RABL2A: variants seen among roughly 807,000 people sequenced by gnomAD.
RABL2A encodes the protein RAB, member of RAS oncogene family like 2A, also known as rab-like protein 2A.
A neutral mutation model predicts 30.7 loss-of-function variants in RABL2A; 17 were observed. That is an observed-to-expected ratio of 0.55 (90% confidence interval 0.38 to 0.83). The LOEUF (loss-of-function observed/expected upper bound fraction) is 0.83. RABL2A is among the 40% of genes least tolerant of loss of function. The pLI, the probability that RABL2A is intolerant of heterozygous loss-of-function variation, is 0.00. For missense variants in RABL2A, 155 were observed against 272.6 expected, an observed-to-expected ratio of 0.57 and a Z score of 3.04; for synonymous variants, 64 against 101.8, an observed-to-expected ratio of 0.63 and a Z score of 2.24.
Position 113,641,131 on chromosome 2 carries a change from C to T in RABL2A, c.409+126C>T, listed in dbSNP as rs921317360. ...CCTCCCTCCCACGATAAGATACAAC[C>T]CTTGGTTGGTTGCTTGCATTCTTCC... On this transcript the variant is annotated intron_variant, in intron 6 of 8. Coordinates refer to ENST00000683472, the MANE Select transcript of RABL2A (RefSeq NM_001306158.2). 2.4e-5 allele frequency: 25 copies of T among 1,024,482 alleles called. No homozygotes were observed. The African/African-American group carries it at 3.4e-4, about 14-fold the overall frequency. 63.5% of individuals were successfully genotyped at this position (1,024,482 alleles called of 1,614,324 possible).
At position 113,637,692 on chromosome 2, in the gene RABL2A, G is replaced by C. The variant is rs1349729355; in HGVS notation, c.297+2562G>C. 4.0e-5 allele frequency: 51 copies of C among 1,281,886 alleles called. No individual in the cohort carries two copies. In the Admixed American group the frequency reaches 6.5e-4, roughly 16 times the overall value. The allele number at this position is 1,281,886 out of a possible 1,614,324, so 79.4% of individuals were successfully genotyped here. A position where few individuals can be genotyped will look rare whatever the true frequency, so the allele number is the denominator to read the frequency against. Reference sequence around the variant, plus strand: ...TAATGGGGCAAGGAAAATGGGGGCAGTGTAGTGCAGAAGTCTGACCCTCAA... The same window carrying C: ...TAATGGGGCAAGGAAAATGGGGGCACTGTAGTGCAGAAGTCTGACCCTCAA... On this transcript the variant is annotated intron_variant, in intron 5 of 8. Coordinates refer to ENST00000683472, the MANE Select transcript of RABL2A (RefSeq NM_001306158.2).
Position 113,632,898 on chromosome 2 carries a change from G to A in RABL2A, c.108-17G>A, listed in dbSNP as rs1275372272. On this transcript the variant is annotated splice_polypyrimidine_tract_variant and intron_variant, in intron 2 of 8. Coordinates refer to ENST00000683472, the MANE Select transcript of RABL2A (RefSeq NM_001306158.2). ...GATGGAGACGCCATCTGACCACCTT[G>A]CCTGTTCTGCTTACAGACTCATGGA... The A allele has an allele frequency of 6.2e-7, 1 of 1,614,070 alleles. No homozygotes were observed. Among genetic ancestry groups the A allele is most frequent in the Non-Finnish European group, 8.5e-7 (1 of 1,180,046 alleles).
intron 2 of RABL2A, among the ~76,000 whole-genome samples, chr2:113,631,884 C>T (rs1219635289): frequency 6.6e-6 from 1 of 151,792 alleles, no homozygotes; most frequent in South Asian, 2.1e-4. Context: ...CCTCTGGCCA[C>T]GGTAATTTCT....
chr2:113,642,146 G>A lies in RABL2A; in HGVS notation c.*17G>A. 1 of 1,613,590 alleles carries A rather than the reference G, an allele frequency of 6.2e-7. No individual in the cohort carries two copies. ...CACAGCTGAGGGGCTGGGGCTAGGG[G>A]TGGGTGGAGCCCTTTTAAAATACCC... On this transcript the variant is annotated 3_prime_UTR_variant, in exon 9 of 9. Coordinates refer to ENST00000683472, the MANE Select transcript of RABL2A (RefSeq NM_001306158.2).
intron 2 of RABL2A, among the ~76,000 whole-genome samples, chr2:113,629,477 G>GTC (rs141881303): frequency 0.099 from 14,702 of 148,820 alleles, 833 homozygotes; most frequent in South Asian, 0.14. Context: ...TGAATTCTCT[G>GTC]TCTCTCTCTC....
rs550994738 is a variant in RABL2A at position 113,643,205 on chromosome 2, T to G, written c.*1076T>G. On this transcript the variant is annotated 3_prime_UTR_variant, in exon 9 of 9. Transcript: ENST00000683472. ...TTTTTTTTAGGAATAGTTTGGACCT[T>G]GTGCCTCCTGTGGGAGGCTGAGGAC... is the stretch of plus-strand genomic sequence containing the variant. 1 of 452,222 alleles carries G rather than the reference T, an allele frequency of 2.2e-6. No homozygotes were observed. The highest frequency in any genetic ancestry group is 7.1e-5 in the East Asian group (1 of 14,178). The allele number at this position is 452,222 out of a possible 1,614,324, so 28.0% of individuals were successfully genotyped here.
At chr2:113,636,381 TCC>T (rs1283424910) in intron 5 of RABL2A, among the ~76,000 whole-genome samples, 1 of 139,208 alleles carries the variant, frequency 7.2e-6, no homozygotes, top group Non-Finnish European at 1.7e-5. Flanking sequence ...CTGGGGCATC[TCC>T]CCACACACAC....
At chr2:113,636,775 T>G (rs932888344) in intron 5 of RABL2A, among the ~76,000 whole-genome samples, 2 of 151,918 alleles carry the variant, frequency 1.3e-5, no homozygotes, top group Non-Finnish European at 2.9e-5. Context: ...GATCACGAGG[T>G]CAGGAGATCG....
chr2:113,637,766 C>G, intron 5 of RABL2A: 2 of 1,280,742 alleles, frequency 1.6e-6, no homozygotes, highest in South Asian at 2.6e-5. Context: ...CCTACAGTGG[C>G]ATTTGGTATT....
intron 2 of RABL2A, among the ~76,000 whole-genome samples, chr2:113,629,576 C>T (rs1380552272): frequency 6.6e-6 from 1 of 151,784 alleles, no homozygotes; most frequent in Non-Finnish European, 1.5e-5. Flanking sequence ...GCTCTGTCCC[C>T]CAGGCTGGAG....
chr2:113,639,049 G>A (rs193274712), intron 5 of RABL2A, among the ~76,000 whole-genome samples: 6 of 152,134 alleles, frequency 3.9e-5, no homozygotes, highest in African/African-American at 7.2e-5. Flanking sequence ...TTGGGAGGCC[G>A]AGGCAGGAGG....
chr2:113,640,855 G>T, intron 5 of RABL2A, 39 bp from the exon 6 acceptor site: 1 of 1,613,180 alleles, frequency 6.2e-7, no homozygotes, highest in Non-Finnish European at 8.5e-7. Context: ...CAGAAACATT[G>T]ACATACCTGA....
At chr2:113,639,692 C>T (rs1684367017) in intron 5 of RABL2A, among the ~76,000 whole-genome samples, 1 of 151,722 alleles carries the variant, frequency 6.6e-6, no homozygotes, top group Non-Finnish European at 1.5e-5. Context: ...CCTGTCTCTA[C>T]TAAAAATAAA....
chr2:113,639,728 C>G (rs575781132), intron 5 of RABL2A, among the ~76,000 whole-genome samples: 12 of 151,954 alleles, frequency 7.9e-5, no homozygotes, highest in Non-Finnish European at 1.8e-4. Context: ...TGGTGGCGCA[C>G]ACCTGTAGTC....
intron 5 of RABL2A, chr2:113,638,199 C>T: frequency 1.0e-6 from 1 of 985,422 alleles, no homozygotes; most frequent in Non-Finnish European, 1.2e-6. Flanking sequence ...GAATTCAAGA[C>T]AACCTGGTGA....
intron 5 of RABL2A, chr2:113,640,263 CAA>C (rs1351489016): frequency 2.6e-5 from 4 of 153,166 alleles, no homozygotes; most frequent in African/African-American, 9.7e-5. Flanking sequence ...CTAAAAAACA[CAA>C]AAGTTTTTAC....
At chr2:113,634,057 G>A (rs1681498269) in intron 3 of RABL2A, 96 bp from the exon 4 acceptor site, 6 of 1,469,634 alleles carry the variant, frequency 4.1e-6, no homozygotes, top group Admixed American at 4.0e-5. Flanking sequence ...AAGAGAAGAG[G>A]AGGGAGAGGA....
intron 4 of RABL2A, 118 bp downstream of exon 4, chr2:113,634,350 A>G (rs1681638228): frequency 7.4e-7 from 1 of 1,360,234 alleles, no homozygotes; most frequent in Admixed American, 2.0e-5. Context: ...GACCCCAGGC[A>G]GGGACAAGGG....
chr2:113,629,162 G>A (rs747880627), intron 2 of RABL2A, among the ~76,000 whole-genome samples: 18 of 151,346 alleles, frequency 1.2e-4, no homozygotes, highest in Non-Finnish European at 2.5e-4. Context: ...GCTTCTTCTT[G>A]TAATGAATTT....
Sources: allele counts gnomAD v4.1 joint callset (sites outside exome capture counted in the v4.1 genomes callset), GRCh38; gene constraint gnomAD v4.1.1; transcripts MANE v1.5; gene names NCBI Gene and HGNC (gene_info 2026-07-23, HGNC 2026-07-21).